SP140: variants seen among roughly 807,000 people sequenced by gnomAD.
The protein encoded by SP140 is nuclear body protein SP140.
SP140 carries 81 observed loss-of-function variants against 125.0 expected under a neutral mutation model. That is an observed-to-expected ratio of 0.65 (90% CI 0.54 to 0.78). The LOEUF (loss-of-function observed/expected upper bound fraction) is 0.78, where lower values mean the gene tolerates loss of function less well. Ranked by LOEUF, SP140 falls within the 30% of genes least tolerant of loss-of-function variation. The pLI is 0.00. For missense variants in SP140, 858 were observed against 1,037.0 expected, an observed-to-expected ratio of 0.83 and a Z score of 2.37; for synonymous variants, 312 against 354.0, an observed-to-expected ratio of 0.88 and a Z score of 1.33.
intron 1 of SP140, among the ~76,000 whole-genome samples, chr2:230,205,994 GGGGGAGA>G (rs1559168775): frequency 1.3e-5 from 2 of 152,126 alleles, no homozygotes; most frequent in Non-Finnish European, 2.9e-5. Flanking sequence ...TAAGTAGAAT[GGGGGAGA>G]AAGCAGCTTG....
At chr2:230,290,343 A>G in intron 18 of SP140, 117 bp from the exon 19 acceptor site, 2 of 897,688 alleles carry the variant, frequency 2.2e-6, no homozygotes, top group Non-Finnish European at 3.5e-6. Flanking sequence ...GAAACTCTAG[A>G]GGGTTTTGGA....
intron 8 of SP140, among the ~76,000 whole-genome samples, 166 bp from the exon 9 acceptor site, chr2:230,248,719 A>G (rs557797162): frequency 6.6e-6 from 1 of 152,206 alleles, no homozygotes; most frequent in Non-Finnish European, 1.5e-5. Context: ...TGAGGAGGAC[A>G]CTGAGAATTA....
rs566933847 is a variant in SP140 at position 230,272,219 on chromosome 2, A to G, written c.1498+1580A>G. Among the ~76,000 whole-genome samples, 10 of 152,346 alleles carry G rather than the reference A, an allele frequency of 6.6e-5. No individual in the cohort carries two copies. The South Asian group carries it at 2.1e-3, about 32-fold the overall frequency. The stretch of plus-strand genomic sequence containing the variant: ...TCACATAACTAGAAAATACGATTTT[A>G]GAATTCACATGGAACCAAAAAAGAG... On this transcript the variant is annotated intron_variant, in intron 15 of 26. Transcript: ENST00000392045.
chr2:230,187,802 A>C, the SP140 span, among the ~76,000 whole-genome samples: 1 of 152,154 alleles, frequency 6.6e-6, no homozygotes, highest in African/African-American at 2.4e-5. Context: ...AGTTGGTTTT[A>C]AGTATTTGGC....
rs149443195 is a variant in SP140, at chr2:230,257,259, C to T, written c.1240+1727C>T. ...AAACATTATCAAGAGTTGGAAAATA[C>T]TTGAATGTAATCTACGATACGAGAT... On this transcript the variant is annotated intron_variant, in intron 12 of 26. Transcript: ENST00000392045. Among the ~76,000 whole-genome samples, 850 of 151,576 alleles carry T rather than the reference C, an allele frequency of 5.6e-3. 9 individuals are homozygous for T. The highest frequency in any genetic ancestry group is 0.019 in the African/African-American group (804 of 41,260).
At chr2:230,206,638 T>TATATATATATATAA (rs2043888665) in intron 1 of SP140, among the ~76,000 whole-genome samples, 1 of 123,026 alleles carries the variant, frequency 8.1e-6, no homozygotes, top group Non-Finnish European at 1.7e-5. Flanking sequence ...TATATATATA[T>TATATATATATATAA]GGACCACACT....
chr2:230,306,230 C>T (rs1575357744), intron 22 of SP140, among the ~76,000 whole-genome samples: 1 of 152,346 alleles, frequency 6.6e-6, no homozygotes, highest in East Asian at 1.9e-4. Flanking sequence ...GCCTGGACCT[C>T]TTTCCCCACT....
In SP140 at chr2:230,259,784, A is replaced by ATG; in HGVS notation, c.1240+4253_1240+4254insGT. 1.8e-5 allele frequency among the ~76,000 whole-genome samples: 2 copies of ATG among 110,678 alleles called. 1 individual carries two copies. The highest frequency in any genetic ancestry group is 5.0e-4 in the East Asian group (2 of 4,032). 72.6% of individuals were successfully genotyped at this position (110,678 alleles called of 152,430 possible). ...GTAGTATTCCATCATATATATATAT[A>ATG]TATATATATATACCACATACATACA... On this transcript the variant is annotated intron_variant, in intron 12 of 26. Coordinates refer to ENST00000392045, the MANE Select transcript of SP140 (RefSeq NM_007237.5).
intron 15 of SP140, among the ~76,000 whole-genome samples, chr2:230,279,799 T>C (rs1451054233): frequency 6.6e-6 from 1 of 152,152 alleles, no homozygotes. Context: ...TGCTAGTTTG[T>C]TTTTTAAAAG....
chr2:230,292,789 G>A lies in SP140; in HGVS notation c.1968+1G>A. On this transcript the variant is annotated splice_donor_variant, in intron 20 of 26. Coordinates refer to ENST00000392045, the MANE Select transcript of SP140 (RefSeq NM_007237.5). LOFTEE classifies it high-confidence loss of function. ...GTGGCCCCTACGATGGCTGATGGAG[G>A]TATTCCAATGACAAGGGGCCAGGCC... 6.2e-7 allele frequency: 1 copy of A among 1,613,988 alleles called. No homozygotes were observed. Among genetic ancestry groups the A allele is most frequent in the South Asian group, 1.1e-5 (1 of 91,068 alleles).
At chr2:230,214,688 G>A (rs533970741) in intron 3 of SP140, among the ~76,000 whole-genome samples, 32 of 152,202 alleles carry the variant, frequency 2.1e-4, no homozygotes, top group East Asian at 3.9e-4. Context: ...AGATTTTCCA[G>A]TATGCCAAAT....
At chr2:230,278,377 T>C (rs1489500748) in intron 15 of SP140, among the ~76,000 whole-genome samples, 2 of 152,088 alleles carry the variant, frequency 1.3e-5, no homozygotes, top group Admixed American at 1.3e-4. Context: ...GTTATGTGAG[T>C]TCCTTATATA....
intron 15 of SP140, among the ~76,000 whole-genome samples, chr2:230,279,190 T>G (rs2055164906): frequency 6.6e-6 from 1 of 152,108 alleles, no homozygotes; most frequent in Non-Finnish European, 1.5e-5. Flanking sequence ...AATGGAAAGA[T>G]ATCTCATGTT....
In SP140 at chr2:230,310,881, C is replaced by T. The variant is rs2059273477; in HGVS notation, c.2283+30C>T. The T allele has an allele frequency of 5.0e-6, 5 of 994,590 alleles. No homozygotes were observed. The Admixed American group carries it at 1.1e-4, about 21-fold the overall frequency. 61.6% of individuals were successfully genotyped at this position (994,590 alleles called of 1,614,324 possible). The stretch of plus-strand genomic sequence containing the variant: ...ATCAGATGCAAACCCCAAGCCTTCT[C>T]CTTTCCCCTCACACGTGAGAACCAT... On this transcript the variant is annotated intron_variant, in intron 24 of 26. Coordinates refer to ENST00000392045, the MANE Select transcript of SP140 (RefSeq NM_007237.5).
intron 15 of SP140, among the ~76,000 whole-genome samples, chr2:230,281,903 A>G (rs2055623602): frequency 6.6e-6 from 1 of 152,162 alleles, no homozygotes; most frequent in South Asian, 2.1e-4. Flanking sequence ...TATCTCCTGC[A>G]TAAATACCTA....
At chr2:230,248,753 C>T (rs1412220994) in intron 8 of SP140, 132 bp from the exon 9 acceptor site, 52 of 676,796 alleles carry the variant, frequency 7.7e-5, no homozygotes, top group Non-Finnish European at 9.1e-5. Context: ...AGAGGAGCTG[C>T]AACAAGGTGG....
At chr2:230,307,995 A>ATG in intron 22 of SP140, among the ~76,000 whole-genome samples, 1 of 96,146 alleles carries the variant, frequency 1.0e-5, no homozygotes, top group Non-Finnish European at 2.1e-5. Flanking sequence ...ATATATACAC[A>ATG]CACACACACA....
rs193051576 is a variant in SP140, at chr2:230,245,054, C to T, written c.638C>T (p.Ala213Val). ...PKAGGGDAEDAPSLLPGGGVS... is the reference protein window; with the variant it reads ...PKAGGGDAEDVPSLLPGGGVS... The stretch of plus-strand genomic sequence containing the variant: ...GCTGGTGGAGGAGATGCTGAAGATG[C>T]ACCCAGCCTACTACCAGGTGGGGGA... The change falls in exon 6 of 27, where the codon GCA becomes GTA. Residue 213 changes from alanine (A) to valine (V), a missense_variant. This residue lies in a region of SP140 where 791 missense variants were observed against 869.5 expected (regional missense o/e 0.91). Coordinates refer to ENST00000392045, the MANE Select transcript of SP140 (RefSeq NM_007237.5). 18 of 1,612,316 alleles carry T rather than the reference C, an allele frequency of 1.1e-5. No individual in the cohort carries two copies. The Admixed American group carries it at 2.0e-4, about 18-fold the overall frequency.
downstream of SP140, among the ~76,000 whole-genome samples, chr2:230,314,221 T>C (rs1269354597): frequency 1.3e-5 from 2 of 152,176 alleles, no homozygotes; most frequent in Admixed American, 6.5e-5. Flanking sequence ...AGAAAAATCC[T>C]CTTTCCCCTT....
Sources: allele counts gnomAD v4.1 joint callset (sites outside exome capture counted in the v4.1 genomes callset), GRCh38; gene constraint gnomAD v4.1.1; regional missense constraint gnomAD v4.1.1; transcripts MANE v1.5; gene names NCBI Gene and HGNC (gene_info 2026-07-23, HGNC 2026-07-21).